The following PLD5 variants were observed in gnomAD, a reference collection of about 807,000 sequenced individuals.
PLD5 encodes phospholipase D family member 5.
Under a neutral mutation model 61.1 loss-of-function variants are expected in PLD5, and 36 were observed. The ratio of observed to expected loss-of-function variants is 0.59; its 90% CI spans 0.45 to 0.78. The LOEUF (loss-of-function observed/expected upper bound fraction) is 0.78, where lower values mean the gene tolerates loss of function less well. Among genes scored for constraint, PLD5 ranks in the 30% least tolerant of loss-of-function variants. PLD5 has a pLI of 0.00. For synonymous variants in PLD5, 243 were observed against 242.8 expected, an observed-to-expected ratio of 1.00 and a Z score of -0.01; for missense variants, 515 against 644.4, an observed-to-expected ratio of 0.80 and a Z score of 2.17.
intron 1 of PLD5, among the ~76,000 whole-genome samples, chr1:242,474,460 C>T (rs893001423): frequency 2.0e-5 from 3 of 152,276 alleles, no homozygotes; most frequent in African/African-American, 7.2e-5. Flanking sequence ...AATTATGTCC[C>T]TTTCTTCTCA....
chr1:242,411,942 GA>G (rs142488850), intron 1 of PLD5, among the ~76,000 whole-genome samples: 1 of 150,248 alleles, frequency 6.7e-6, no homozygotes, highest in East Asian at 2.0e-4. Flanking sequence ...CTTTAAAAAA[GA>G]AAAAAAAAGG....
chr1:242,123,174 T>C (rs1021992781), intron 6 of PLD5, among the ~76,000 whole-genome samples: 7 of 152,212 alleles, frequency 4.6e-5, no homozygotes, highest in Non-Finnish European at 8.8e-5. Context: ...TTGAATACTA[T>C]GACTTTAAGC....
chr1:242,278,992 G>C (rs1440025654), intron 3 of PLD5, among the ~76,000 whole-genome samples: 2 of 152,186 alleles, frequency 1.3e-5, no homozygotes, highest in East Asian at 1.9e-4. Context: ...ATGCAGCCTG[G>C]AGATGAAAAG....
chr1:242,406,142 C>T (rs1436645822), intron 1 of PLD5, among the ~76,000 whole-genome samples: 2 of 152,134 alleles, frequency 1.3e-5, no homozygotes, highest in African/African-American at 4.8e-5. Flanking sequence ...CATCCTTTCC[C>T]TATGCATCAC....
intron 7 of PLD5, 85 bp from the exon 8 acceptor site, chr1:242,107,924 T>C: frequency 7.9e-7 from 1 of 1,264,000 alleles, no homozygotes; most frequent in Non-Finnish European, 1.1e-6. Context: ...ACATTGATAT[T>C]ACTCAGATCA....
At chr1:242,470,859 A>C (rs985072170) in intron 1 of PLD5, among the ~76,000 whole-genome samples, 1 of 152,216 alleles carries the variant, frequency 6.6e-6, no homozygotes, top group African/African-American at 2.4e-5. Context: ...TGTGCTCAGA[A>C]GCCCAGCTCC....
At chr1:242,388,931 G>C (rs1361042910) in intron 1 of PLD5, among the ~76,000 whole-genome samples, 6 of 152,044 alleles carry the variant, frequency 3.9e-5, no homozygotes. Context: ...CTCCAGGCTG[G>C]TGACAGAATG....
chr1:242,085,928 G>A lies in PLD5; in HGVS notation c.*3926C>T, dbSNP rs1298403059. On this transcript the variant is annotated 3_prime_UTR_variant, in exon 10 of 10. Transcript: ENST00000536534. ...GAATTCCTGAGACAGATAGACCCTG[G>A]ATCTGATCTTATCAAGAAATTCTTA... The A allele has an allele frequency of 6.6e-6, 1 of 151,720 alleles. No individual in the cohort carries two copies. Among genetic ancestry groups the A allele is most frequent in the Non-Finnish European group, 1.5e-5 (1 of 67,964 alleles). The allele number at this position is 151,720 out of a possible 1,614,324, so 9.4% of individuals were successfully genotyped here. A position where few individuals can be genotyped will look rare whatever the true frequency, so the allele number is the denominator to read the frequency against.
chr1:242,475,197 G>A (rs1461845256), intron 1 of PLD5, among the ~76,000 whole-genome samples: 2 of 152,214 alleles, frequency 1.3e-5, no homozygotes, highest in South Asian at 2.1e-4. Context: ...ACGTGCGCAC[G>A]CACACACACC....
At chr1:242,415,826 T>C (rs2149293190) in intron 1 of PLD5, among the ~76,000 whole-genome samples, 1 of 152,210 alleles carries the variant, frequency 6.6e-6, no homozygotes, top group South Asian at 2.1e-4. Context: ...TTTTAAGTGG[T>C]TACCTAAGGA....
At chr1:242,227,443 C>G (rs1671022110) in intron 4 of PLD5, among the ~76,000 whole-genome samples, 1 of 152,148 alleles carries the variant, frequency 6.6e-6, no homozygotes, top group Non-Finnish European at 1.5e-5. Context: ...TGGCTCATTG[C>G]AACCTCTGCC....
intron 2 of PLD5, among the ~76,000 whole-genome samples, chr1:242,309,852 A>G (rs1463332491): frequency 1.9e-5 from 1 of 52,240 alleles, no homozygotes; most frequent in Non-Finnish European, 5.4e-5. Flanking sequence ...TGACGGGAAT[A>G]AATAATTTAT....
intron 2 of PLD5, among the ~76,000 whole-genome samples, chr1:242,304,672 G>T (rs528992554): frequency 6.6e-6 from 1 of 152,288 alleles, no homozygotes; most frequent in East Asian, 1.9e-4. Context: ...ATTTGAATAT[G>T]TCAAAGTTTT....
intron 1 of PLD5, among the ~76,000 whole-genome samples, chr1:242,444,845 T>G (rs187197227): frequency 1.3e-5 from 2 of 150,844 alleles, no homozygotes; most frequent in Admixed American, 1.3e-4. Flanking sequence ...AGGACTCATC[T>G]CATACAGTTA....
At chr1:242,140,700 A>G (rs189352906) in intron 5 of PLD5, among the ~76,000 whole-genome samples, 2 of 152,316 alleles carry the variant, frequency 1.3e-5, no homozygotes, top group Non-Finnish European at 2.9e-5. Flanking sequence ...ACCCGCCACC[A>G]TGGGGCCAAC....
intron 5 of PLD5, among the ~76,000 whole-genome samples, chr1:242,174,792 C>T (rs10926639): frequency 0.46 from 68,788 of 151,050 alleles, 15,874 homozygotes; most frequent in South Asian, 0.59. Context: ...AGCAAACTAT[C>T]ACAAGGACAA....
chr1:242,263,497 T>C (rs1374259465), intron 4 of PLD5, among the ~76,000 whole-genome samples: 1 of 150,738 alleles, frequency 6.6e-6, no homozygotes, highest in Non-Finnish European at 1.5e-5. Context: ...ACAATAACTG[T>C]ATTCTAAAGA....
At chr1:242,129,959 T>A (rs1182903631) in intron 5 of PLD5, among the ~76,000 whole-genome samples, 1 of 152,192 alleles carries the variant, frequency 6.6e-6, no homozygotes, top group Non-Finnish European at 1.5e-5. Flanking sequence ...CATGTTGCTA[T>A]AAAAGACATG....
intron 5 of PLD5, among the ~76,000 whole-genome samples, chr1:242,163,136 T>TC (rs1360732091): frequency 1.5e-5 from 2 of 129,810 alleles, no homozygotes; most frequent in East Asian, 4.5e-4. Context: ...TCTTTTATTT[T>TC]CTTTTCTTTT....
Sources: allele counts gnomAD v4.1 joint callset (sites outside exome capture counted in the v4.1 genomes callset), GRCh38; gene constraint gnomAD v4.1.1; transcripts MANE v1.5; gene names NCBI Gene and HGNC (gene_info 2026-07-23, HGNC 2026-07-21).